Variants in TMEM120B observed in about 807,000 individuals in gnomAD.
TMEM120B encodes the protein transmembrane protein 120B.
A neutral mutation model predicts 55.5 loss-of-function variants in TMEM120B; 31 were observed. The observed-to-expected ratio is 0.56, with a 90% confidence interval of 0.42 to 0.75. TMEM120B has a LOEUF of 0.75. Ranked by LOEUF, TMEM120B falls within the 30% of genes least tolerant of loss-of-function variation. The pLI, the probability that TMEM120B is intolerant of heterozygous loss-of-function variation, is 0.00. For missense variants in TMEM120B, 399 were observed against 425.5 expected (o/e 0.94, Z 0.55); for synonymous variants, 203 against 176.3 (o/e 1.15, Z -1.20).
chr12:121,731,526 A>G (rs1234765873), intron 1 of TMEM120B, among the ~76,000 whole-genome samples: 2 of 152,188 alleles, frequency 1.3e-5, no homozygotes, highest in Admixed American at 6.5e-5. Flanking sequence ...ATACATTTAG[A>G]TACATGAATA....
At chr12:121,771,413 A>C in intron 7 of TMEM120B, 75 bp from the exon 8 acceptor site, 1 of 1,295,212 alleles carries the variant, frequency 7.7e-7, no homozygotes, top group Non-Finnish European at 1.1e-6. Flanking sequence ...TTCTGGTTGG[A>C]ATGGAGTTGG....
At chr12:121,769,173 A>C (rs767412110) in intron 6 of TMEM120B, among the ~76,000 whole-genome samples, 70 of 134,704 alleles carry the variant, frequency 5.2e-4, no homozygotes, top group Middle Eastern at 4.3e-3. Flanking sequence ...AAAAAAAAAA[A>C]CCCCAAAAAA....
chr12:121,756,059 A>T (rs891447810), intron 5 of TMEM120B, among the ~76,000 whole-genome samples: 1 of 152,180 alleles, frequency 6.6e-6, no homozygotes, highest in African/African-American at 2.4e-5. Context: ...GCGATCATCT[A>T]TGCAAAATGC....
At chr12:121,739,441 TA>T (rs1007225124) in intron 1 of TMEM120B, among the ~76,000 whole-genome samples, 2 of 152,022 alleles carry the variant, frequency 1.3e-5, no homozygotes, top group Non-Finnish European at 2.9e-5. Context: ...AAGGTGGGGT[TA>T]GGGGTGCCAA....
intron 6 of TMEM120B, among the ~76,000 whole-genome samples, chr12:121,764,735 T>C (rs937701342): frequency 2.0e-5 from 3 of 152,152 alleles, no homozygotes; most frequent in African/African-American, 7.2e-5. Flanking sequence ...GGCAGCTTTT[T>C]ATTCTAATGT....
At chr12:121,774,795 G>A in intron 10 of TMEM120B, 73 bp downstream of exon 10, 1 of 1,527,316 alleles carries the variant, frequency 6.5e-7, no homozygotes, top group Admixed American at 1.8e-5. Flanking sequence ...TTCAGGCCTT[G>A]CCCTCCTTCT....
At chr12:121,773,951 CTTTTTTTTT>C (rs560321014) in intron 9 of TMEM120B, among the ~76,000 whole-genome samples, 1 of 96,610 alleles carries the variant, frequency 1.0e-5, no homozygotes, top group East Asian at 3.0e-4. Context: ...ACTCTGCTAT[CTTTTTTTTT>C]TTTTTTTTTT....
At chr12:121,773,157 C>T (rs1226225638) in intron 8 of TMEM120B, among the ~76,000 whole-genome samples, 1 of 152,212 alleles carries the variant, frequency 6.6e-6, no homozygotes, top group Non-Finnish European at 1.5e-5. Context: ...TGGAAAATTC[C>T]AGAAGTTTCA....
In TMEM120B at chr12:121,775,411, C is replaced by T; in HGVS notation, c.907-198C>T. 1.0e-5 allele frequency: 10 copies of T among 984,456 alleles called. No homozygotes were observed. The highest frequency in any genetic ancestry group is 1.2e-5 in the Non-Finnish European group (10 of 829,134). 61.0% of individuals were successfully genotyped at this position (984,456 alleles called of 1,614,324 possible). A position where few individuals can be genotyped will look rare whatever the true frequency, so the allele number is the denominator to read the frequency against. The stretch of plus-strand genomic sequence containing the variant: ...ATCTGTGGATCCCAAGGAGGTTCGC[C>T]CCATCGAGCCCTTCCCAGGCCCTGC... On this transcript the variant is annotated intron_variant, in intron 11 of 11. Transcript: ENST00000449592. The surrounding 1 kb of genome is among the most constrained non-coding windows in gnomAD (Gnocchi z 4.3).
intron 1 of TMEM120B, among the ~76,000 whole-genome samples, chr12:121,726,178 A>G (rs1325544506): frequency 6.6e-6 from 1 of 152,098 alleles, no homozygotes; most frequent in African/African-American, 2.4e-5. Flanking sequence ...CTAACACGAG[A>G]TGTGGTGATG....
intron 6 of TMEM120B, 57 bp from the exon 7 acceptor site, chr12:121,770,850 C>T: frequency 1.9e-6 from 3 of 1,542,126 alleles, no homozygotes; most frequent in South Asian, 2.3e-5. Context: ...CTCAGCGAGA[C>T]ACATGCCTGC....
chr12:121,752,667 C>T (rs555698762), intron 5 of TMEM120B, among the ~76,000 whole-genome samples: 485 of 152,098 alleles, frequency 3.2e-3, no homozygotes, highest in Non-Finnish European at 4.9e-3. Flanking sequence ...ACAGGAGAAT[C>T]GCTTGAACCC....
chr12:121,774,517 A>T lies in TMEM120B; in HGVS notation c.773-141A>T, dbSNP rs1036435440. On this transcript the variant is annotated intron_variant, in intron 9 of 11. Coordinates refer to ENST00000449592, the MANE Select transcript of TMEM120B (RefSeq NM_001080825.2). ...TAGTGAATGCCCACCCAGCTATGAC[A>T]GGTGAGGGCTGACCCCCCGCATGTG... 122 of 707,886 alleles carry T rather than the reference A, an allele frequency of 1.7e-4. 1 individual carries two copies. The highest frequency in any genetic ancestry group is 1.4e-4 in the Admixed American group (5 of 35,720). 43.9% of individuals were successfully genotyped at this position (707,886 alleles called of 1,614,324 possible). A position where few individuals can be genotyped will look rare whatever the true frequency, so the allele number is the denominator to read the frequency against.
At chr12:121,721,960 C>T (rs571189113) in intron 1 of TMEM120B, among the ~76,000 whole-genome samples, 341 of 129,774 alleles carry the variant, frequency 2.6e-3, no homozygotes, top group Non-Finnish European at 2.7e-3. Context: ...AGGCATGTGC[C>T]ACCATGCCCA....
At chr12:121,763,058 G>C (rs963783276) in intron 6 of TMEM120B, among the ~76,000 whole-genome samples, 7 of 151,564 alleles carry the variant, frequency 4.6e-5, no homozygotes, top group African/African-American at 1.7e-4. Context: ...TCTAAGCTGA[G>C]TCTTGAGACC....
At chr12:121,755,936 GC>G (rs796424885) in intron 5 of TMEM120B, among the ~76,000 whole-genome samples, 3 of 152,058 alleles carry the variant, frequency 2.0e-5, no homozygotes, top group Non-Finnish European at 2.9e-5. Context: ...GCTTGATAAA[GC>G]CCCCCAGGAA....
chr12:121,733,440 T>G (rs1895041232), intron 1 of TMEM120B, among the ~76,000 whole-genome samples: 1 of 151,884 alleles, frequency 6.6e-6, no homozygotes, highest in Non-Finnish European at 1.5e-5. Flanking sequence ...AAGAAGGGGT[T>G]TCACCATGTT....
In TMEM120B at chr12:121,718,398, T is replaced by TG. The variant is rs532853538; in HGVS notation, c.69+5437dup. Among the ~76,000 whole-genome samples, 1,029 of 152,174 alleles carry TG rather than the reference T, an allele frequency of 6.8e-3. 9 individuals carry two copies. Among genetic ancestry groups the TG allele is most frequent in the South Asian group, 0.04 (191 of 4,820 alleles). ...GCTCGCTCCTGTAATCCCAGCTACT[T>TG]GGGAGGCTGAGGCTGAAGAATCGCT... On this transcript the variant is annotated intron_variant, in intron 1 of 11. Transcript: ENST00000449592.
Position 121,776,569 on chromosome 12 carries a change from G to A in TMEM120B, c.*847G>A, listed in dbSNP as rs1160021687. 1 of 152,220 alleles carries A rather than the reference G, an allele frequency of 6.6e-6. No homozygotes were observed. Among genetic ancestry groups the A allele is most frequent in the Non-Finnish European group, 1.5e-5 (1 of 68,048 alleles). 9.4% of individuals were successfully genotyped at this position (152,220 alleles called of 1,614,324 possible). On this transcript the variant is annotated 3_prime_UTR_variant, in exon 12 of 12. Coordinates refer to ENST00000449592, the MANE Select transcript of TMEM120B (RefSeq NM_001080825.2). ...GTGCCTGGCAGGCTCACCCCCAGGG[G>A]CCGCACCCTGAGGCGGGGTCAGAGC...
Sources: gnomAD v4.1 joint callset for allele counts (sites outside exome capture counted in the v4.1 genomes callset) on GRCh38, gnomAD v4.1.1 for gene constraint, Gnocchi (gnomAD v3.1) non-coding constraint, MANE v1.5 for transcripts, NCBI Gene and HGNC (gene_info 2026-07-23, HGNC 2026-07-21) for gene names.